The following LRPPRC variants were observed in gnomAD, a reference collection of about 807,000 sequenced individuals.
LRPPRC encodes the protein leucine-rich PPR motif-containing protein, mitochondrial.
A neutral mutation model predicts 180.3 loss-of-function variants in LRPPRC; 120 were observed. The observed-to-expected ratio is 0.67, with a 90% confidence interval of 0.57 to 0.77. The LOEUF (loss-of-function observed/expected upper bound fraction) is 0.77. Ranked by LOEUF, LRPPRC falls within the 30% of genes least tolerant of loss-of-function variation. LRPPRC has a pLI of 0.00. For missense variants in LRPPRC, 2,012 were observed against 1,657.2 expected, an observed-to-expected ratio of 1.21 and a Z score of -3.72; for synonymous variants, 723 against 600.0, an observed-to-expected ratio of 1.21 and a Z score of -3.00.
intron 1 of LRPPRC, among the ~76,000 whole-genome samples, chr2:43,993,511 G>A (rs562837820): frequency 7.9e-5 from 12 of 152,174 alleles, no homozygotes; most frequent in Admixed American, 7.9e-4. Flanking sequence ...TATGGACAGG[G>A]AAGAGACTGA....
At chr2:43,931,243 A>G (rs1376189808) in intron 25 of LRPPRC, among the ~76,000 whole-genome samples, 1 of 152,196 alleles carries the variant, frequency 6.6e-6, no homozygotes, top group Non-Finnish European at 1.5e-5. Flanking sequence ...CTTTAAACTT[A>G]GCATTTCGTA....
chr2:43,903,987 A>G (rs2104997750), intron 31 of LRPPRC: 1 of 152,394 alleles, frequency 6.6e-6, no homozygotes, highest in Non-Finnish European at 1.5e-5. Flanking sequence ...GTTCTTGCCC[A>G]GGCTGAGTGC....
At chr2:43,978,849 C>A (rs1674174517) in intron 3 of LRPPRC, among the ~76,000 whole-genome samples, 2 of 151,848 alleles carry the variant, frequency 1.3e-5, no homozygotes, top group African/African-American at 4.8e-5. Flanking sequence ...TCTCTATTTT[C>A]TTTTATAACT....
chr2:43,952,943 T>A (rs1435515830), intron 14 of LRPPRC, among the ~76,000 whole-genome samples: 1 of 152,216 alleles, frequency 6.6e-6, no homozygotes, highest in Non-Finnish European at 1.5e-5. Flanking sequence ...AAGGTCCAAA[T>A]ATCCTAACTT....
At chr2:43,959,071 G>A in intron 13 of LRPPRC, 1 of 580,416 alleles carries the variant, frequency 1.7e-6, no homozygotes, top group Non-Finnish European at 3.1e-6. Context: ...AGTTTCCTTA[G>A]CAACAAACAA....
At position 43,987,473 on chromosome 2, in the gene LRPPRC, C is replaced by G. The variant is rs150248843; in HGVS notation, c.150-5039G>C. On this transcript the variant is annotated intron_variant, in intron 1 of 37. Coordinates refer to ENST00000260665, the MANE Select transcript of LRPPRC (RefSeq NM_133259.4). ...TAGCGTCACTGCACTCCAGGCCGGG[C>G]GACAGAGCCAGACTCCTCAAAAAAA... Among the ~76,000 whole-genome samples, 82 of 122,942 alleles carry G rather than the reference C, an allele frequency of 6.7e-4. No homozygotes were observed. In the East Asian group the frequency reaches 0.016, roughly 25 times the overall value. The allele number at this position is 122,942 out of a possible 152,430, so 80.7% of individuals were successfully genotyped here.
chr2:43,976,421 A>G (rs1249146863), intron 5 of LRPPRC, among the ~76,000 whole-genome samples, 192 bp from the exon 6 acceptor site: 2 of 152,194 alleles, frequency 1.3e-5, no homozygotes, highest in Non-Finnish European at 2.9e-5. Context: ...TAATGTATCA[A>G]CAGTCTTGAA....
At chr2:43,960,688 T>A in intron 12 of LRPPRC, 54 bp from the exon 13 acceptor site, 1 of 876,882 alleles carries the variant, frequency 1.1e-6, no homozygotes, top group Non-Finnish European at 2.0e-6. Flanking sequence ...AATATTTTGA[T>A]AAGCCAAAGA....
intron 6 of LRPPRC, among the ~76,000 whole-genome samples, chr2:43,975,769 G>T (rs765920793): frequency 5.3e-5 from 8 of 151,944 alleles, no homozygotes; most frequent in Admixed American, 6.6e-5. Context: ...TTTTTGTAGA[G>T]ACCGGGTTTC....
chr2:43,897,236 G>C (rs1670718167), intron 34 of LRPPRC, among the ~76,000 whole-genome samples: 1 of 152,066 alleles, frequency 6.6e-6, no homozygotes, highest in African/African-American at 2.4e-5. Context: ...GGCTTTCACT[G>C]CAACAGACAG....
chr2:43,957,401 G>C lies in LRPPRC; in HGVS notation c.1633C>G (p.Leu545Val). Residue 545 changes from leucine to valine, a missense_variant, in exon 14 of 38, where the codon CTG becomes GTG. Physicochemically the swap from Leu to Val is conservative, Grantham distance 32. Coordinates refer to ENST00000260665, the MANE Select transcript of LRPPRC (RefSeq NM_133259.4). ...ISLQSIRSSLLLGFRRSMNIN... is the reference protein window; with the variant it reads ...ISLQSIRSSLVLGFRRSMNIN... ...TCATCTTACCTCCTGAAGCCTAGCA[G>C]TAGGCTACTTCTTATAGACTGCAGC... The C allele has an allele frequency of 1.2e-6, 2 of 1,611,598 alleles. No homozygotes were observed. Among genetic ancestry groups the C allele is most frequent in the East Asian group, 2.2e-5 (1 of 44,840 alleles).
At chr2:43,897,243 A>C (rs936035341) in intron 34 of LRPPRC, among the ~76,000 whole-genome samples, 2 of 152,192 alleles carry the variant, frequency 1.3e-5, no homozygotes, top group Non-Finnish European at 2.9e-5. Context: ...ACTGCAACAG[A>C]CAGCCAGCGC....
At chr2:43,894,483 A>G in intron 36 of LRPPRC, 62 bp downstream of exon 36, 2 of 829,682 alleles carry the variant, frequency 2.4e-6, no homozygotes, top group Non-Finnish European at 4.2e-6. Flanking sequence ...TTTACATGAT[A>G]TAGTCACTTA....
intron 12 of LRPPRC, 169 bp downstream of exon 12, chr2:43,963,419 G>C: frequency 6.1e-6 from 4 of 653,168 alleles, no homozygotes; most frequent in South Asian, 5.4e-5. Context: ...ACTCCTGCCT[G>C]GGCAATGAGA....
chr2:43,968,893 C>T (rs554649042), intron 11 of LRPPRC, among the ~76,000 whole-genome samples: 2 of 152,296 alleles, frequency 1.3e-5, no homozygotes, highest in African/African-American at 4.8e-5. Flanking sequence ...TGCACACAGG[C>T]ATACACACAA....
At chr2:43,906,173 A>G (rs1472244515) in intron 30 of LRPPRC, among the ~76,000 whole-genome samples, 1 of 152,182 alleles carries the variant, frequency 6.6e-6, no homozygotes, top group Non-Finnish European at 1.5e-5. Context: ...ATCTTCTTCC[A>G]GAAACTAAAA....
At chr2:43,922,313 G>C (rs1038443929) in intron 27 of LRPPRC, among the ~76,000 whole-genome samples, 3 of 152,100 alleles carry the variant, frequency 2.0e-5, no homozygotes, top group Admixed American at 1.3e-4. Context: ...TCTTTGTTTT[G>C]TGCATGTTTC....
chr2:43,894,789 T>A (rs17496251), intron 35 of LRPPRC, among the ~76,000 whole-genome samples, 160 bp from the exon 36 acceptor site: 3 of 152,190 alleles, frequency 2.0e-5, no homozygotes, highest in Non-Finnish European at 4.4e-5. Flanking sequence ...GCATTTGATA[T>A]TGACTCAATA....
intron 37 of LRPPRC, 45 bp from the exon 38 acceptor site, chr2:43,888,701 G>A (rs1670361980): frequency 9.8e-7 from 1 of 1,021,412 alleles, no homozygotes; most frequent in African/African-American, 1.6e-5. Flanking sequence ...ACCAGCAAGA[G>A]GTGATGGTAC....
Sources: allele counts gnomAD v4.1 joint callset (sites outside exome capture counted in the v4.1 genomes callset), GRCh38; gene constraint gnomAD v4.1.1; transcripts MANE v1.5; gene names NCBI Gene and HGNC (gene_info 2026-07-23, HGNC 2026-07-21).